The following MSRB3 variants were observed in gnomAD, a reference collection of about 807,000 sequenced individuals.
MSRB3 encodes the protein methionine-R-sulfoxide reductase B3.
In MSRB3, 13 loss-of-function variants were observed where a neutral mutation model predicts 21.0. The ratio of observed to expected loss-of-function variants is 0.62; its 90% CI spans 0.40 to 0.98. The LOEUF is 0.98. Ranked by LOEUF, MSRB3 falls within the 50% of genes least tolerant of loss-of-function variation. MSRB3 has a pLI of 0.00. For synonymous variants in MSRB3, 87 were observed against 88.6 expected, an observed-to-expected ratio of 0.98 and a Z score of 0.10; for missense variants, 199 against 230.3, an observed-to-expected ratio of 0.86 and a Z score of 0.88.
intron 5 of MSRB3, among the ~76,000 whole-genome samples, chr12:65,453,373 T>G (rs1157119398): frequency 6.6e-6 from 1 of 152,152 alleles, no homozygotes; most frequent in African/African-American, 2.4e-5. Flanking sequence ...TAATGGAAGA[T>G]TCATAGTGCT....
intron 2 of MSRB3, among the ~76,000 whole-genome samples, chr12:65,312,825 A>T (rs1592513748): frequency 6.6e-6 from 1 of 152,130 alleles, no homozygotes; most frequent in Non-Finnish European, 1.5e-5. Flanking sequence ...TAAATGAATC[A>T]GTAAACATTT....
Position 65,375,500 on chromosome 12 carries a change from C to T in MSRB3, c.292+6474C>T, listed in dbSNP as rs376029486. Among the ~76,000 whole-genome samples, 7 of 152,172 alleles carry T rather than the reference C, an allele frequency of 4.6e-5. No individual in the cohort carries two copies. In the East Asian group the frequency reaches 1.4e-3, roughly 29 times the overall value. On this transcript the variant is annotated intron_variant, in intron 5 of 6. Coordinates refer to ENST00000308259, the MANE Select transcript of MSRB3 (RefSeq NM_001031679.3). The stretch of plus-strand genomic sequence containing the variant: ...TTGCCCAGGCTGGAGTGCTGTGGCA[C>T]GATCATAGCTCACCATAACCTTGAA...
chr12:65,399,583 A>T (rs1193193659), intron 5 of MSRB3, among the ~76,000 whole-genome samples: 2 of 152,186 alleles, frequency 1.3e-5, no homozygotes, highest in Non-Finnish European at 2.9e-5. Flanking sequence ...TCCTATTTGA[A>T]TACCTTTATT....
At chr12:65,317,371 T>C (rs1592518322) in intron 2 of MSRB3, among the ~76,000 whole-genome samples, 1 of 152,160 alleles carries the variant, frequency 6.6e-6, no homozygotes, top group East Asian at 1.9e-4. Flanking sequence ...GTTTGGCCAC[T>C]TTCTCCCCGC....
intron 4 of MSRB3, among the ~76,000 whole-genome samples, chr12:65,336,810 T>C (rs893291326): frequency 2.6e-5 from 4 of 152,244 alleles, no homozygotes; most frequent in Non-Finnish European, 5.9e-5. Context: ...TGAAAAATAG[T>C]TATTAAGAAT....
intron 5 of MSRB3, among the ~76,000 whole-genome samples, chr12:65,430,341 T>G (rs564909476): frequency 3.8e-4 from 58 of 152,282 alleles, no homozygotes; most frequent in African/African-American, 1.2e-3. Flanking sequence ...TAGACTAAAT[T>G]AAATAAGAGT....
intron 4 of MSRB3, among the ~76,000 whole-genome samples, chr12:65,365,860 G>A (rs1411693472): frequency 6.6e-6 from 1 of 152,148 alleles, no homozygotes; most frequent in Non-Finnish European, 1.5e-5. Flanking sequence ...GAAATGCCAG[G>A]ACAGTGGTAA....
At chr12:65,360,343 A>C (rs926952039) in intron 4 of MSRB3, among the ~76,000 whole-genome samples, 1 of 152,076 alleles carries the variant, frequency 6.6e-6, no homozygotes, top group Non-Finnish European at 1.5e-5. Flanking sequence ...AAAGGCCTTG[A>C]CTTTAAAAAG....
intron 5 of MSRB3, among the ~76,000 whole-genome samples, chr12:65,409,908 T>C (rs1283219262): frequency 1.3e-5 from 2 of 152,200 alleles, no homozygotes; most frequent in African/African-American, 4.8e-5. Context: ...ATAAACACTT[T>C]TGGTAATTGT....
At chr12:65,331,346 A>G (rs1226654816) in intron 4 of MSRB3, among the ~76,000 whole-genome samples, 1 of 152,212 alleles carries the variant, frequency 6.6e-6, no homozygotes, top group Non-Finnish European at 1.5e-5. Context: ...CAGGAATAGC[A>G]GACATAAGAA....
intron 1 of MSRB3, among the ~76,000 whole-genome samples, chr12:65,308,297 T>C (rs1220739980): frequency 2.0e-5 from 3 of 152,194 alleles, no homozygotes; most frequent in Non-Finnish European, 4.4e-5. Context: ...TCTTGTAAAC[T>C]GTGTTCACAG....
chr12:65,419,536 T>G (rs1881165509), intron 5 of MSRB3: 1 of 741,772 alleles, frequency 1.3e-6, no homozygotes, highest in Admixed American at 1.7e-5. Flanking sequence ...TCTAAAGGCA[T>G]CAGCAGCAAG....
At chr12:65,375,763 T>C (rs1347650740) in intron 5 of MSRB3, among the ~76,000 whole-genome samples, 1 of 152,074 alleles carries the variant, frequency 6.6e-6, no homozygotes, top group Non-Finnish European at 1.5e-5. Context: ...ATAAATGCAG[T>C]TTTGATTTTC....
intron 1 of MSRB3, among the ~76,000 whole-genome samples, chr12:65,289,501 T>A (rs1219271221): frequency 1.3e-5 from 2 of 152,092 alleles, no homozygotes; most frequent in East Asian, 3.9e-4. Context: ...TAAAAATAAA[T>A]AAATAAATAA....
intron 5 of MSRB3, among the ~76,000 whole-genome samples, chr12:65,432,476 C>T (rs1277095638): frequency 1.3e-5 from 2 of 151,874 alleles, no homozygotes; most frequent in African/African-American, 4.8e-5. Flanking sequence ...TATGTTAACA[C>T]AAGCTGACAA....
intron 5 of MSRB3, among the ~76,000 whole-genome samples, chr12:65,391,927 A>G (rs1420015443): frequency 3.9e-5 from 6 of 152,240 alleles, no homozygotes; most frequent in African/African-American, 1.4e-4. Context: ...ATAATTGAAG[A>G]CTTCCAAAGT....
chr12:65,318,125 T>C (rs1022503933), intron 2 of MSRB3, among the ~76,000 whole-genome samples: 1 of 152,188 alleles, frequency 6.6e-6, no homozygotes, highest in South Asian at 2.1e-4. Context: ...CTCAGATTTT[T>C]CTGGAATATA....
chr12:65,395,260 A>T (rs895818825), intron 5 of MSRB3, among the ~76,000 whole-genome samples: 1 of 152,146 alleles, frequency 6.6e-6, no homozygotes, highest in Non-Finnish European at 1.5e-5. Context: ...CGAGGTCAGG[A>T]GTTTGTGACC....
In MSRB3 at chr12:65,411,946, C is replaced by G. The variant is rs563244888; in HGVS notation, c.293-41782C>G. On this transcript the variant is annotated intron_variant, in intron 5 of 6. Transcript: ENST00000308259. The stretch of plus-strand genomic sequence containing the variant: ...AAGGAACATAAAAGATCATATAGTA[C>G]AACACTCTCATTTTATAAATAATAA... Among the ~76,000 whole-genome samples the G allele has an allele frequency of 3.3e-5, 5 of 151,746 alleles. No homozygotes were observed. The East Asian group carries it at 9.7e-4, about 29-fold the overall frequency.
Sources: gnomAD v4.1 joint callset for allele counts (sites outside exome capture counted in the v4.1 genomes callset) on GRCh38, gnomAD v4.1.1 for gene constraint, MANE v1.5 for transcripts, NCBI Gene and HGNC (gene_info 2026-07-23, HGNC 2026-07-21) for gene names.